The following PDE1C variants were observed in gnomAD, a reference collection of about 807,000 sequenced individuals.
PDE1C encodes phosphodiesterase 1C.
In PDE1C, 62 loss-of-function variants were observed where a neutral mutation model predicts 93.1. The ratio of observed to expected loss-of-function variants is 0.67; its 90% CI spans 0.54 to 0.82. The LOEUF (loss-of-function observed/expected upper bound fraction) is 0.82. Ranked by LOEUF, PDE1C falls within the 40% of genes least tolerant of loss-of-function variation. The pLI is 0.00. For missense variants in PDE1C, 742 were observed against 884.6 expected, an observed-to-expected ratio of 0.84 and a Z score of 2.04; for synonymous variants, 325 against 310.1, an observed-to-expected ratio of 1.05 and a Z score of -0.50.
intron 1 of PDE1C, among the ~76,000 whole-genome samples, chr7:32,288,041 C>A (rs1481414799): frequency 6.6e-6 from 1 of 152,140 alleles, no homozygotes; most frequent in East Asian, 1.9e-4. Flanking sequence ...CATCTCCCAG[C>A]TACTTGGGAG....
intron 2 of PDE1C, among the ~76,000 whole-genome samples, chr7:31,936,601 G>C (rs1483977892): frequency 1.3e-5 from 2 of 152,066 alleles, no homozygotes; most frequent in Non-Finnish European, 2.9e-5. Flanking sequence ...AGGACATTTA[G>C]AACTTCAAGG....
chr7:32,046,222 A>C (rs1439735209), intron 2 of PDE1C, among the ~76,000 whole-genome samples: 1 of 152,044 alleles, frequency 6.6e-6, no homozygotes, highest in Non-Finnish European at 1.5e-5. Flanking sequence ...TTAAAAAAAA[A>C]AAAGAAAGCC....
chr7:31,804,409 C>T (rs1422341364), intron 16 of PDE1C, among the ~76,000 whole-genome samples: 4 of 151,786 alleles, frequency 2.6e-5, no homozygotes, highest in African/African-American at 9.7e-5. Flanking sequence ...TGGTTCTGTT[C>T]TGGCCTCAGG....
chr7:32,024,505 G>C (rs1002198280), intron 2 of PDE1C, among the ~76,000 whole-genome samples: 2 of 150,344 alleles, frequency 1.3e-5, no homozygotes, highest in Non-Finnish European at 3.0e-5. Context: ...AAAGAAAAAA[G>C]AAAAATAAAA....
chr7:31,878,819 T>C (rs1441068559), intron 4 of PDE1C, among the ~76,000 whole-genome samples, 177 bp downstream of exon 4: 3 of 152,218 alleles, frequency 2.0e-5, no homozygotes, highest in Admixed American at 6.5e-5. Flanking sequence ...CTAATGATGC[T>C]ACAGAGATTA....
chr7:32,287,655 G>C (rs1481531813), intron 1 of PDE1C, among the ~76,000 whole-genome samples: 1 of 152,232 alleles, frequency 6.6e-6, no homozygotes, highest in Non-Finnish European at 1.5e-5. Context: ...TGCGCAGGCA[G>C]GGCACTGCAA....
chr7:32,044,195 G>A (rs1446234131), intron 2 of PDE1C, among the ~76,000 whole-genome samples: 1 of 152,146 alleles, frequency 6.6e-6, no homozygotes, highest in African/African-American at 2.4e-5. Context: ...TCCATTGAAA[G>A]GGATGGTCTT....
chr7:31,720,240 T>C, the PDE1C span, among the ~76,000 whole-genome samples: 2 of 128,598 alleles, frequency 1.6e-5, no homozygotes, highest in African/African-American at 2.9e-5. Flanking sequence ...AGGAGCAAAA[T>C]TGGAGTAGGG....
intron 1 of PDE1C, among the ~76,000 whole-genome samples, chr7:32,266,912 T>TG (rs1183479069): frequency 2.9e-4 from 9 of 30,650 alleles, no homozygotes; most frequent in East Asian, 2.3e-3. Context: ...GGGGGCGGGG[T>TG]GGGGGGGTGC....
intron 1 of PDE1C, among the ~76,000 whole-genome samples, chr7:32,315,294 T>C (rs1168004779): frequency 1.3e-5 from 2 of 151,874 alleles, no homozygotes; most frequent in Non-Finnish European, 2.9e-5. Flanking sequence ...ATGTGGCTTT[T>C]TGTTTTGGGG....
At chr7:31,812,413 T>C (rs1354850538) in intron 15 of PDE1C, among the ~76,000 whole-genome samples, 1 of 152,124 alleles carries the variant, frequency 6.6e-6, no homozygotes, top group African/African-American at 2.4e-5. Context: ...CTTATTTGCA[T>C]TTATTGGTTT....
chr7:31,631,808 T>C, the PDE1C span, among the ~76,000 whole-genome samples: 1 of 152,258 alleles, frequency 6.6e-6, no homozygotes, highest in African/African-American at 2.4e-5. Context: ...CTCTTCTGCC[T>C]GAGACTTTTG....
chr7:32,124,861 A>C (rs1470352617), intron 3 of PDE1C, among the ~76,000 whole-genome samples: 1 of 152,214 alleles, frequency 6.6e-6, no homozygotes, highest in African/African-American at 2.4e-5. Context: ...CAAGAGCTAA[A>C]ATTGACAAAC....
intron 1 of PDE1C, among the ~76,000 whole-genome samples, chr7:32,333,698 C>A (rs1317718996): frequency 6.6e-6 from 1 of 152,152 alleles, no homozygotes; most frequent in Non-Finnish European, 1.5e-5. Flanking sequence ...GGAAATACTA[C>A]CTACATCGTG....
At chr7:32,297,981 C>G (rs1313320810) in intron 1 of PDE1C, among the ~76,000 whole-genome samples, 2 of 70,516 alleles carry the variant, frequency 2.8e-5, no homozygotes, top group East Asian at 1.6e-3. Context: ...CTCTCTCTCT[C>G]TCTCTCTCTC....
At chr7:32,166,166 A>G (rs1199413300) in intron 3 of PDE1C, among the ~76,000 whole-genome samples, 5 of 152,134 alleles carry the variant, frequency 3.3e-5, no homozygotes, top group African/African-American at 1.2e-4. Context: ...GTAAAATTTT[A>G]TTTGTCAATT....
intron 3 of PDE1C, among the ~76,000 whole-genome samples, chr7:32,168,945 T>C (rs748628652): frequency 6.6e-6 from 1 of 152,198 alleles, no homozygotes; most frequent in Non-Finnish European, 1.5e-5. Context: ...GAGGTTTATA[T>C]GTTCTGCTAA....
chr7:32,281,589 A>T (rs1330887490), intron 1 of PDE1C, among the ~76,000 whole-genome samples: 2 of 152,190 alleles, frequency 1.3e-5, no homozygotes, highest in African/African-American at 2.4e-5. Context: ...ATAACAAAAC[A>T]AAACTAAACT....
At chr7:32,080,541 G>C (rs1796602657) in intron 3 of PDE1C, among the ~76,000 whole-genome samples, 1 of 152,152 alleles carries the variant, frequency 6.6e-6, no homozygotes, top group African/African-American at 2.4e-5. Context: ...AGTGCATAAA[G>C]GGTTAATTTT....
Sources: gnomAD v4.1 joint callset for allele counts (sites outside exome capture counted in the v4.1 genomes callset) on GRCh38, gnomAD v4.1.1 for gene constraint, MANE v1.5 for transcripts, NCBI Gene and HGNC (gene_info 2026-07-23, HGNC 2026-07-21) for gene names.